The following ADGRG6 variants were observed in gnomAD, a reference collection of about 807,000 sequenced individuals.
ADGRG6 encodes G-protein coupled receptor 126.
In ADGRG6, 84 loss-of-function variants were observed where a neutral mutation model predicts 142.4. That is an observed-to-expected ratio of 0.59 (90% CI 0.49 to 0.71). ADGRG6 has a LOEUF of 0.71. ADGRG6 is among the 30% of genes least tolerant of loss of function. The pLI is 0.00. For missense variants in ADGRG6, 1,367 were observed against 1,466.6 expected (o/e 0.93, Z 1.11); for synonymous variants, 521 against 520.5 (o/e 1.00, Z -0.01).
chr6:142,325,525 A>C (rs1343052621), intron 2 of ADGRG6, among the ~76,000 whole-genome samples: 4 of 152,142 alleles, frequency 2.6e-5, no homozygotes, highest in Non-Finnish European at 5.9e-5. Flanking sequence ...AATCCAAACA[A>C]CCAATTTGGA....
At chr6:142,376,708 A>G (rs1751497814) in intron 4 of ADGRG6, among the ~76,000 whole-genome samples, 1 of 152,192 alleles carries the variant, frequency 6.6e-6, no homozygotes, top group Non-Finnish European at 1.5e-5. Flanking sequence ...TTTGCAAAGG[A>G]CTTTATACTC....
At chr6:142,389,267 C>G (rs567994580) in intron 6 of ADGRG6, among the ~76,000 whole-genome samples, 14 of 151,844 alleles carry the variant, frequency 9.2e-5, no homozygotes, top group Non-Finnish European at 1.9e-4. Flanking sequence ...TTTTTTTCTA[C>G]TGCCTCCCCA....
At chr6:142,341,612 AAT>A (rs1779655309) in intron 2 of ADGRG6, among the ~76,000 whole-genome samples, 1 of 129,496 alleles carries the variant, frequency 7.7e-6, no homozygotes, top group Non-Finnish European at 1.6e-5. Flanking sequence ...TATACTATAT[AAT>A]ATGTAGTATA....
chr6:142,315,182 C>T (rs940821622), intron 2 of ADGRG6, among the ~76,000 whole-genome samples: 3 of 152,158 alleles, frequency 2.0e-5, no homozygotes, highest in African/African-American at 7.2e-5. Context: ...GGGGACATAC[C>T]AACTCTGAGA....
At chr6:142,315,006 T>TGTG (rs1158715155) in intron 2 of ADGRG6, among the ~76,000 whole-genome samples, 2 of 102,046 alleles carry the variant, frequency 2.0e-5, no homozygotes, top group African/African-American at 8.8e-5. Flanking sequence ...GTGTGTGTGT[T>TGTG]ATACAGTCTA....
intron 4 of ADGRG6, among the ~76,000 whole-genome samples, chr6:142,373,468 A>C (rs932389025): frequency 3.9e-5 from 6 of 152,194 alleles, no homozygotes; most frequent in African/African-American, 1.4e-4. Context: ...AGGGATTCCT[A>C]AGCTTCTCTA....
At chr6:142,302,470 T>G in intron 1 of ADGRG6, 139 bp downstream of exon 1, 50 of 816,940 alleles carry the variant, frequency 6.1e-5, no homozygotes, top group Non-Finnish European at 8.5e-5. Flanking sequence ...TAAACCGGTT[T>G]GTCTTCAGTT....
chr6:142,412,448 A>G (rs1382311520), intron 18 of ADGRG6, among the ~76,000 whole-genome samples: 1 of 152,136 alleles, frequency 6.6e-6, no homozygotes, highest in African/African-American at 2.4e-5. Flanking sequence ...GATCTGTGGG[A>G]TGTAGTATTT....
intron 17 of ADGRG6, 35 bp from the exon 18 acceptor site, chr6:142,411,270 G>A: frequency 8.8e-7 from 1 of 1,132,536 alleles, no homozygotes; most frequent in Non-Finnish European, 1.3e-6. Context: ...AAACTGACCT[G>A]CTGTTTTCAC....
At chr6:142,302,623 G>C (rs2114465774) in intron 1 of ADGRG6, 1 of 421,818 alleles carries the variant, frequency 2.4e-6, no homozygotes, top group East Asian at 3.6e-5. Context: ...TTCAAGAATG[G>C]GGAAAACGTG....
Position 142,379,692 on chromosome 6 carries a change from G to A in ADGRG6, c.1070-2259G>A, listed in dbSNP as rs182823067. ...TGAGGCAGGAGAATGGCGGGAACCC[G>A]GGAGGCAGAGTTTGCAGTGAGCCAA... On this transcript the variant is annotated intron_variant, in intron 4 of 24. Transcript: ENST00000367609. Among the ~76,000 whole-genome samples the A allele has an allele frequency of 9.2e-3, 1,407 of 152,192 alleles. 22 individuals are homozygous for A. Among genetic ancestry groups the A allele is most frequent in the East Asian group, 0.059 (305 of 5,170 alleles).
intron 14 of ADGRG6, chr6:142,404,393 C>CA (rs2115026501): frequency 5.5e-6 from 1 of 181,700 alleles, no homozygotes; most frequent in Non-Finnish European, 1.1e-5. Context: ...GTAATCCCAG[C>CA]ACTTTGGGAG....
intron 2 of ADGRG6, among the ~76,000 whole-genome samples, chr6:142,344,178 CTGAT>C (rs1779788373): frequency 6.6e-6 from 1 of 151,932 alleles, no homozygotes; most frequent in Admixed American, 6.6e-5. Flanking sequence ...GATGGTGTCA[CTGAT>C]TGTTTTGTTT....
chr6:142,438,283 T>C lies in ADGRG6; in HGVS notation c.3493T>C (p.Ser1165Pro). Reference sequence around the variant, plus strand: ...TCTAGGAAAATCTTTGTCTTCAAGCTCCATTGGTTCCAACTCAACCTATCT... The same window carrying C: ...TCTAGGAAAATCTTTGTCTTCAAGCCCCATTGGTTCCAACTCAACCTATCT... Reference protein sequence around the residue: ...DNLGKSLSSSSIGSNSTYLTS... With the variant: ...DNLGKSLSSSPIGSNSTYLTS... The change falls in exon 24 of 25, where the codon TCC (serine) becomes CCC (proline). Residue 1165 changes from serine (S) to proline (P), a missense_variant. Ser to Pro is a moderately conservative substitution (Grantham distance 74, BLOSUM62 -1). This residue lies in a region of ADGRG6 where 344 missense variants were observed against 348.7 expected (regional missense o/e 0.99). Coordinates refer to ENST00000367609, the MANE Select transcript of ADGRG6 (RefSeq NM_198569.3). The C allele has an allele frequency of 3.7e-6, 6 of 1,603,554 alleles. No individual in the cohort carries two copies. Among genetic ancestry groups the C allele is most frequent in the Non-Finnish European group, 4.3e-6 (5 of 1,172,154 alleles).
At chr6:142,383,617 A>C in intron 5 of ADGRG6, 143 bp from the exon 6 acceptor site, 1 of 593,742 alleles carries the variant, frequency 1.7e-6, no homozygotes, top group Admixed American at 3.2e-5. Flanking sequence ...CATCTTATAC[A>C]TTACAACCTT....
chr6:142,356,636 T>G (rs1444090118), intron 2 of ADGRG6, among the ~76,000 whole-genome samples: 1 of 152,182 alleles, frequency 6.6e-6, no homozygotes, highest in East Asian at 1.9e-4. Context: ...TGAGGCTCTA[T>G]TATGTGTCAT....
In ADGRG6 at chr6:142,397,661, T is replaced by A; in HGVS notation, c.1473T>A (p.Asn491Lys). The A allele has an allele frequency of 6.2e-7, 1 of 1,608,744 alleles. No individual in the cohort carries two copies. The highest frequency in any genetic ancestry group is 8.5e-7 in the Non-Finnish European group (1 of 1,176,296). Residue 491 changes from asparagine to lysine, a missense_variant, in exon 10 of 25, where the codon AAT (asparagine) becomes AAA (lysine). Physicochemically the swap from Asn to Lys is moderately conservative, Grantham distance 94. Coordinates refer to ENST00000367609, the MANE Select transcript of ADGRG6 (RefSeq NM_198569.3). ...TTTACAATGCTACCAACAATACTAA[T>A]TTGGAAGGAAAAATCATTCAGCAGA... ...LLVYNATNNTNLEGKIIQQKL... is the reference protein window; with the variant it reads ...LLVYNATNNTKLEGKIIQQKL...
chr6:142,346,303 C>T (rs1779898335), intron 2 of ADGRG6, among the ~76,000 whole-genome samples: 1 of 152,142 alleles, frequency 6.6e-6, no homozygotes, highest in African/African-American at 2.4e-5. Context: ...ACATCCTCTC[C>T]AGCATATGTT....
At chr6:142,357,596 G>C (rs879425303) in intron 2 of ADGRG6, among the ~76,000 whole-genome samples, 5 of 152,122 alleles carry the variant, frequency 3.3e-5, no homozygotes, top group Non-Finnish European at 7.4e-5. Context: ...AAACCTGAAT[G>C]AGTTTTTTTT....
Sources: gnomAD v4.1 joint callset for allele counts (sites outside exome capture counted in the v4.1 genomes callset) on GRCh38, gnomAD v4.1.1 for gene constraint, gnomAD v4.1.1 regional missense constraint, MANE v1.5 for transcripts, NCBI Gene and HGNC (gene_info 2026-07-23, HGNC 2026-07-21) for gene names.